Variants in CASK observed in about 807,000 individuals in gnomAD.
The protein encoded by CASK is calcium/calmodulin dependent serine protein kinase, also known as peripheral plasma membrane protein CASK.
Under a neutral mutation model 82.9 loss-of-function variants are expected in CASK, and 4 were observed. That is an observed-to-expected ratio of 0.05 (90% CI 0.02 to 0.11). The LOEUF (loss-of-function observed/expected upper bound fraction) is 0.11, where lower values mean the gene tolerates loss of function less well. CASK is among the 10% of genes least tolerant of loss of function. CASK has a pLI of 1.00. For missense variants in CASK, 358 were observed against 720.9 expected, an observed-to-expected ratio of 0.50 and a Z score of 5.76; for synonymous variants, 259 against 253.5, an observed-to-expected ratio of 1.02 and a Z score of -0.20.
intron 5 of CASK, chrX:41,728,127 TG>T (rs2147682627): frequency 4.8e-6 from 2 of 414,635 alleles, no homozygotes; most frequent in East Asian, 4.2e-5. Flanking sequence ...TGTCACAGCT[TG>T]GTTGACAATA....
At chrX:41,594,650 G>A (rs962363414) in intron 12 of CASK, among the ~76,000 whole-genome samples, 2 of 112,050 alleles carry the variant, frequency 1.8e-5, no homozygotes, top group Non-Finnish European at 3.8e-5. Context: ...TTAAGCATGT[G>A]TGTGTTTCCC....
At chrX:41,609,839 G>A in intron 12 of CASK, 65 bp downstream of exon 12, 1 of 1,157,957 alleles carries the variant, frequency 8.6e-7, no homozygotes, top group Non-Finnish European at 1.2e-6. Context: ...CTACAGGCAT[G>A]AGCCACCGTG....
chrX:41,847,134 G>A (rs186988614), intron 2 of CASK, among the ~76,000 whole-genome samples: 3 of 111,711 alleles, frequency 2.7e-5, no homozygotes, highest in Admixed American at 9.5e-5. Context: ...TATTGGTTGT[G>A]TAGATTTATG....
chrX:41,680,459 C>T (rs1019772249), intron 5 of CASK, among the ~76,000 whole-genome samples: 16 of 105,295 alleles, frequency 1.5e-4, no homozygotes, highest in East Asian at 9.0e-4. Context: ...TCCAGCCTGG[C>T]GACAAAGCGA....
chrX:41,559,815 A>C lies in CASK; in HGVS notation c.1701T>G (p.Ile567Met). The C allele has an allele frequency of 8.3e-7, 1 of 1,210,982 alleles. No homozygotes were observed. The highest frequency in any genetic ancestry group is 1.1e-6 in the Non-Finnish European group (1 of 894,755). The stretch of plus-strand genomic sequence containing the variant: ...AAGACTGAGTGCGGTAACTTGGCAC[A>C]ATCTTGAAGGTAATACTCCCCCGCA... Reference protein sequence around the residue: ...REMRGSITFKIVPSYRTQSSS... With the variant: ...REMRGSITFKMVPSYRTQSSS... Residue 567 changes from isoleucine (I) to methionine (M), a missense_variant, in exon 18 of 27, where the codon ATT becomes ATG. Physicochemically the swap from Ile to Met is conservative, Grantham distance 10. Around this residue, in one of 5 missense-constraint regions of CASK, gnomAD observed 41 missense variants for 39.4 expected, o/e 1.04. Transcript: ENST00000378163.
chrX:41,709,012 C>T (rs966243909), intron 5 of CASK, among the ~76,000 whole-genome samples: 4 of 111,774 alleles, frequency 3.6e-5, no homozygotes, highest in Non-Finnish European at 1.9e-5. Context: ...ATATTAGAAA[C>T]TATGCCACAT....
chrX:41,768,767 G>C (rs978401593), intron 3 of CASK, among the ~76,000 whole-genome samples: 4 of 111,265 alleles, frequency 3.6e-5, no homozygotes, highest in Admixed American at 9.6e-5. Flanking sequence ...CAGGAGTTCA[G>C]AACCAGCCTA....
At chrX:41,561,132 C>T (rs945644562) in intron 17 of CASK, among the ~76,000 whole-genome samples, 1 of 110,985 alleles carries the variant, frequency 9.0e-6, no homozygotes, top group Middle Eastern at 4.2e-3. Flanking sequence ...CCTGGTCTAC[C>T]GTGGCTTTCC....
rs747786761 is a variant in CASK at position 41,626,630 on chromosome X, T to C, written c.989A>G (p.Asp330Gly). ...TGAGGAGGTAGGGTCTTCGGAGAAA[T>C]CTGGTAACTCTTCAGGGGGATCCCC... is the stretch of plus-strand genomic sequence containing the variant. ...FYGDPPEELP[D>G]FSEDPTSSGL... Residue 330 changes from aspartate to glycine, a missense_variant, in exon 10 of 27, where the codon GAT (aspartate) becomes GGT (glycine). By Grantham distance (94) the Asp-to-Gly change is moderately conservative. Transcript: ENST00000378163. 3 of 1,199,489 alleles carry C rather than the reference T, an allele frequency of 2.5e-6. No individual in the cohort carries two copies. The highest frequency in any genetic ancestry group is 3.4e-6 in the Non-Finnish European group (3 of 885,093).
intron 3 of CASK, among the ~76,000 whole-genome samples, chrX:41,786,202 A>C (rs764347255): frequency 8.9e-6 from 1 of 111,782 alleles, no homozygotes; most frequent in African/African-American, 3.2e-5. Context: ...GACCCTGCTA[A>C]GTTGGAACAC....
At chrX:41,684,589 C>T (rs941317442) in intron 5 of CASK, among the ~76,000 whole-genome samples, 1 of 111,441 alleles carries the variant, frequency 9.0e-6, no homozygotes, top group Non-Finnish European at 1.9e-5. Flanking sequence ...CTCCACCTCC[C>T]GAGTTCAAGC....
At chrX:41,912,083 T>C (rs1349795515) in intron 1 of CASK, among the ~76,000 whole-genome samples, 1 of 100,834 alleles carries the variant, frequency 9.9e-6, no homozygotes, top group East Asian at 3.1e-4. Context: ...TCCCTGTGCC[T>C]ATATGTTCTC....
intron 25 of CASK, chrX:41,524,484 A>C (rs1233577561): frequency 1.2e-5 from 2 of 168,021 alleles, no homozygotes; most frequent in South Asian, 1.1e-4. Flanking sequence ...ATTGCTAGCA[A>C]ATCTGTCCAC....
intron 1 of CASK, among the ~76,000 whole-genome samples, chrX:41,904,521 T>C (rs766180962): frequency 6.2e-5 from 7 of 112,275 alleles, no homozygotes; most frequent in Non-Finnish European, 1.1e-4. Context: ...AATTAAACAA[T>C]ACCCAAATAA....
chrX:41,663,573 T>C (rs1440587828), intron 7 of CASK, among the ~76,000 whole-genome samples: 3 of 112,269 alleles, frequency 2.7e-5, no homozygotes, highest in Non-Finnish European at 5.6e-5. Context: ...CTATTCAATG[T>C]TTTAAAAATA....
intron 25 of CASK, chrX:41,524,809 T>C (rs2064689056): frequency 9.0e-6 from 1 of 110,769 alleles, no homozygotes; most frequent in Admixed American, 9.6e-5. Context: ...CTGTTTCAGC[T>C]CCTCCCCAGG....
chrX:41,721,157 G>A (rs771778614), intron 5 of CASK, among the ~76,000 whole-genome samples: 3 of 111,014 alleles, frequency 2.7e-5, no homozygotes, highest in Non-Finnish European at 5.7e-5. Context: ...TTGAAGAGAC[G>A]GATGGGCAAG....
chrX:41,801,914 G>A (rs928520359), intron 2 of CASK, among the ~76,000 whole-genome samples: 3 of 110,837 alleles, frequency 2.7e-5, no homozygotes, highest in East Asian at 5.6e-4. Context: ...ATGCCCCTAC[G>A]TACCCTTTCT....
intron 5 of CASK, among the ~76,000 whole-genome samples, chrX:41,701,721 C>A (rs2067795651): frequency 9.0e-6 from 1 of 111,608 alleles, no homozygotes; most frequent in South Asian, 3.7e-4. Flanking sequence ...TAAGTTTGTT[C>A]GAAACTTCTA....
Sources: allele counts gnomAD v4.1 joint callset (sites outside exome capture counted in the v4.1 genomes callset), GRCh38; gene constraint gnomAD v4.1.1; regional missense constraint gnomAD v4.1.1; transcripts MANE v1.5; gene names NCBI Gene and HGNC (gene_info 2026-07-23, HGNC 2026-07-21).